The following MASP1 variants were observed in gnomAD, a reference collection of about 807,000 sequenced individuals.
MASP1 encodes mannan-binding lectin serine protease 1.
A neutral mutation model predicts 77.1 loss-of-function variants in MASP1; 59 were observed. The observed-to-expected ratio is 0.77, with a 90% CI of 0.62 to 0.95. The LOEUF (loss-of-function observed/expected upper bound fraction) is 0.95, where lower values mean the gene tolerates loss of function less well. Ranked by LOEUF, MASP1 falls within the 40% of genes least tolerant of loss-of-function variation. The pLI is 0.00. For synonymous variants in MASP1, 362 were observed against 354.5 expected, an observed-to-expected ratio of 1.02 and a Z score of -0.24; for missense variants, 885 against 912.9, an observed-to-expected ratio of 0.97 and a Z score of 0.39.
At chr3:187,270,526 G>C (rs1716435005) in intron 2 of MASP1, among the ~76,000 whole-genome samples, 1 of 152,032 alleles carries the variant, frequency 6.6e-6, no homozygotes, top group African/African-American at 2.4e-5. Flanking sequence ...CATGCTCCCT[G>C]GCTATAAATC....
chr3:187,251,902 A>T (rs1714639554), intron 6 of MASP1, 150 bp from the exon 7 acceptor site: 3 of 709,128 alleles, frequency 4.2e-6, no homozygotes, highest in Non-Finnish European at 7.6e-6. Flanking sequence ...GCAAGAGACT[A>T]ATTCTGGAAC....
intron 2 of MASP1, among the ~76,000 whole-genome samples, chr3:187,284,079 C>T (rs112020583): frequency 4.6e-5 from 7 of 152,146 alleles, no homozygotes; most frequent in South Asian, 2.1e-4. Flanking sequence ...TTGTAGAAAT[C>T]GCATCTAGAT....
rs1714120281 is a variant in MASP1, at chr3:187,246,832, C to T, written c.1091-3211G>A. ...AAACATTCAGATTCTCAAAAATCCA[C>T]ACTCTGTGAGTTATTATTTGCTTTA... On this transcript the variant is annotated intron_variant, in intron 8 of 10. Transcript: ENST00000296280. 7.0e-6 allele frequency: 7 copies of T among 996,642 alleles called. No homozygotes were observed. In the South Asian group the frequency reaches 3.1e-4, roughly 43 times the overall value. The allele number at this position is 996,642 out of a possible 1,614,324, so 61.7% of individuals were successfully genotyped here. A position where few individuals can be genotyped will look rare whatever the true frequency, so the allele number is the denominator to read the frequency against.
Position 187,224,812 on chromosome 3 carries a change from G to A in MASP1, c.1741+512C>T, listed in dbSNP as rs137985063. 3.0e-4 allele frequency among the ~76,000 whole-genome samples: 46 copies of A among 152,306 alleles called. 1 individual carries two copies. The highest frequency in any genetic ancestry group is 1.1e-3 in the African/African-American group (44 of 41,560). Reference sequence around the variant, plus strand: ...GGCAGGAAGACTTGCTTTGGCTGTTGGCATCATCCCTGGCAGTGGTTTTTC... The same window carrying A: ...GGCAGGAAGACTTGCTTTGGCTGTTAGCATCATCCCTGGCAGTGGTTTTTC... On this transcript the variant is annotated intron_variant, in intron 13 of 15. Transcript: ENST00000337774.
chr3:187,286,073 T>C lies in MASP1; in HGVS notation c.6-17A>G. On this transcript the variant is annotated splice_polypyrimidine_tract_variant and intron_variant, in intron 1 of 10. Transcript: ENST00000296280. ...AGCAGCCACCTGAAAGACATGAATG[T>C]AGGTCTACTTACATTTATAAACACA... 2 of 1,587,858 alleles carry C rather than the reference T, an allele frequency of 1.3e-6. No homozygotes were observed. The highest frequency in any genetic ancestry group is 2.2e-5 in the South Asian group (2 of 90,550).
At chr3:187,253,124 G>T in intron 6 of MASP1, 44 bp downstream of exon 6, 1 of 1,611,690 alleles carries the variant, frequency 6.2e-7, no homozygotes, top group Non-Finnish European at 8.5e-7. Flanking sequence ...CTCTGCAAGG[G>T]CTAAGCACAG....
At chr3:187,273,764 T>C (rs1264411357) in intron 2 of MASP1, among the ~76,000 whole-genome samples, 2 of 152,208 alleles carry the variant, frequency 1.3e-5, no homozygotes, top group African/African-American at 4.8e-5. Context: ...GGTATGTGTT[T>C]GCATGTGTGT....
intron 2 of MASP1, among the ~76,000 whole-genome samples, chr3:187,268,328 A>T (rs1165617349): frequency 1.3e-5 from 2 of 152,050 alleles, no homozygotes; most frequent in Non-Finnish European, 2.9e-5. Context: ...CAAAAAATAC[A>T]AAAATTAGCC....
intron 13 of MASP1, chr3:187,225,304 G>T (rs759858709): frequency 1.2e-6 from 2 of 1,612,290 alleles, no homozygotes; most frequent in Non-Finnish European, 8.5e-7. Flanking sequence ...CCCTGCAGAG[G>T]TGGAGGTAGG....
At chr3:187,246,890 G>A (rs1463260344) in intron 8 of MASP1, 2 of 1,038,020 alleles carry the variant, frequency 1.9e-6, no homozygotes, top group African/African-American at 3.4e-5. Flanking sequence ...GCAGCAACAG[G>A]TAATACCTTC....
chr3:187,221,007 C>T, intron 15 of MASP1: 1 of 1,583,540 alleles, frequency 6.3e-7, no homozygotes, highest in South Asian at 1.1e-5. Context: ...TGGCAGCGCC[C>T]CTGTTGTATG....
chr3:187,287,092 C>T (rs56210869), intron 1 of MASP1, among the ~76,000 whole-genome samples: 1 of 152,004 alleles, frequency 6.6e-6, no homozygotes, highest in African/African-American at 2.4e-5. Flanking sequence ...ACTGATATCC[C>T]CAACCCACCC....
chr3:187,227,732 G>A (rs1416764825), intron 11 of MASP1, among the ~76,000 whole-genome samples: 1 of 152,154 alleles, frequency 6.6e-6, no homozygotes, highest in African/African-American at 2.4e-5. Context: ...TTTTCCAGGT[G>A]GATCAGGTGG....
intron 10 of MASP1, among the ~76,000 whole-genome samples, chr3:187,237,087 G>C (rs901531341): frequency 5.3e-5 from 8 of 152,172 alleles, no homozygotes; most frequent in Non-Finnish European, 8.8e-5. Flanking sequence ...TGGAAGCCTT[G>C]GCCTGGCTTT....
Position 187,256,729 on chromosome 3 carries a change from G to T in MASP1, c.679C>A (p.Gln227Lys), listed in dbSNP as rs1437695683. 2 of 1,613,946 alleles carry T rather than the reference G, an allele frequency of 1.2e-6. No homozygotes were observed. Among genetic ancestry groups the T allele is most frequent in the East Asian group, 2.2e-5 (1 of 44,852 alleles). Residue 227 changes from glutamine to lysine, a missense_variant, in exon 5 of 11, where the codon CAG (glutamine) becomes AAG (lysine). Physicochemically the swap from Gln to Lys is moderately conservative, Grantham distance 53. Coordinates refer to ENST00000296280, the MANE Select transcript of MASP1 (RefSeq NM_139125.4). Reference sequence around the variant, plus strand: ...TCAATGTCAAATATGTCCTCAAACTGCAGGTTGACCATGAAACCCTCCTCC... The same window carrying T: ...TCAATGTCAAATATGTCCTCAAACTTCAGGTTGACCATGAAACCCTCCTCC... ...ELEEGFMVNL[Q>K]FEDIFDIEDH...
chr3:187,234,603 A>C lies in MASP1; in HGVS notation c.*1081T>G. On this transcript the variant is annotated 3_prime_UTR_variant, in exon 11 of 11. Coordinates refer to ENST00000296280, the MANE Select transcript of MASP1 (RefSeq NM_139125.4). Reference sequence around the variant, plus strand: ...TTCCTTTGACTCTGAAAAATGAAGGAGTGGGTCCCTCTGAACATCCTGCGG... The same window carrying C: ...TTCCTTTGACTCTGAAAAATGAAGGCGTGGGTCCCTCTGAACATCCTGCGG... The C allele has an allele frequency of 2.3e-6, 3 of 1,287,180 alleles. No individual in the cohort carries two copies. Among genetic ancestry groups the C allele is most frequent in the Non-Finnish European group, 3.0e-6 (3 of 988,684 alleles). The allele number at this position is 1,287,180 out of a possible 1,614,324, so 79.7% of individuals were successfully genotyped here. A position where few individuals can be genotyped will look rare whatever the true frequency, so the allele number is the denominator to read the frequency against.
downstream of MASP1, chr3:187,234,003 A>C (rs1712922634): frequency 9.7e-7 from 1 of 1,035,506 alleles, no homozygotes; most frequent in African/African-American, 1.7e-5. Flanking sequence ...TGGTTTAATG[A>C]GGAGACCAAT....
intron 15 of MASP1, among the ~76,000 whole-genome samples, chr3:187,220,874 C>G (rs912933000): frequency 6.6e-5 from 10 of 152,200 alleles, no homozygotes; most frequent in Non-Finnish European, 1.3e-4. Flanking sequence ...TTCTCCGATG[C>G]ATCTTCTCCT....
chr3:187,272,899 A>G (rs938280858), intron 2 of MASP1, among the ~76,000 whole-genome samples: 2 of 152,242 alleles, frequency 1.3e-5, no homozygotes, highest in African/African-American at 2.4e-5. Flanking sequence ...TTCTCTGTAT[A>G]TAGTTTTTCT....
Sources: gnomAD v4.1 joint callset for allele counts (sites outside exome capture counted in the v4.1 genomes callset) on GRCh38, gnomAD v4.1.1 for gene constraint, MANE v1.5 for transcripts, NCBI Gene and HGNC (gene_info 2026-07-23, HGNC 2026-07-21) for gene names.